FIG4: variants seen among roughly 807,000 people sequenced by gnomAD.
FIG4 encodes the protein polyphosphoinositide phosphatase.
In FIG4, 112 loss-of-function variants were observed where a neutral mutation model predicts 118.6. The ratio of observed to expected loss-of-function variants is 0.94; its 90% CI spans 0.81 to 1.11. The LOEUF (loss-of-function observed/expected upper bound fraction) is 1.11. Among genes scored for constraint, FIG4 ranks in the 50% least tolerant of loss-of-function variants. The probability of loss-of-function intolerance (pLI) is 0.00; values close to 1 mark genes in which losing one functional copy is unlikely to be tolerated. For missense variants in FIG4, 969 were observed against 1,111.7 expected, an observed-to-expected ratio of 0.87 and a Z score of 1.83; for synonymous variants, 369 against 381.2, an observed-to-expected ratio of 0.97 and a Z score of 0.37.
chr6:109,799,338 C>T (rs1778369945), intron 22 of FIG4, among the ~76,000 whole-genome samples: 1 of 152,132 alleles, frequency 6.6e-6, no homozygotes, highest in Admixed American at 6.5e-5. Flanking sequence ...TGGCAACTGC[C>T]CAAGAATGTT....
At chr6:109,694,620 CA>C (rs1319687151) in intron 1 of FIG4, among the ~76,000 whole-genome samples, 1 of 152,056 alleles carries the variant, frequency 6.6e-6, no homozygotes, top group African/African-American at 2.4e-5. Context: ...TTCTGCACAG[CA>C]AAAGAAACAA....
intron 12 of FIG4, 135 bp downstream of exon 12, chr6:109,762,342 G>C: frequency 1.5e-6 from 1 of 680,796 alleles, no homozygotes; most frequent in South Asian, 1.5e-5. Flanking sequence ...ACATGACTGA[G>C]TGCTGAATGT....
At chr6:109,697,216 T>A (rs1774754086) in intron 1 of FIG4, among the ~76,000 whole-genome samples, 1 of 149,122 alleles carries the variant, frequency 6.7e-6, no homozygotes, top group South Asian at 2.1e-4. Flanking sequence ...GAGCCGAGAT[T>A]GTGCCACTGC....
At chr6:109,722,982 A>G (rs1775656147) in intron 3 of FIG4, among the ~76,000 whole-genome samples, 2 of 85,674 alleles carry the variant, frequency 2.3e-5, no homozygotes, top group Admixed American at 2.4e-4. Context: ...ACCTGCCCAG[A>G]GTAGATATCC....
At chr6:109,821,833 A>G (rs911939216) in intron 22 of FIG4, among the ~76,000 whole-genome samples, 1 of 152,212 alleles carries the variant, frequency 6.6e-6, no homozygotes, top group Non-Finnish European at 1.5e-5. Flanking sequence ...ATCCAAACTG[A>G]GGGAAACTCT....
intron 21 of FIG4, 142 bp from the exon 22 acceptor site, chr6:109,796,623 A>G: frequency 1.4e-6 from 1 of 701,762 alleles, no homozygotes; most frequent in Non-Finnish European, 2.6e-6. Context: ...GCAAAGTCTT[A>G]TGTTACATAC....
rs781203827 is a variant in FIG4 at position 109,791,375 on chromosome 6, G to A, written c.2181-1G>A. 6.2e-7 allele frequency: 1 copy of A among 1,611,900 alleles called. No homozygotes were observed. Among genetic ancestry groups the A allele is most frequent in the Non-Finnish European group, 8.5e-7 (1 of 1,179,648 alleles). On this transcript the variant is annotated splice_acceptor_variant, in intron 19 of 22. Transcript: ENST00000230124. LOFTEE classifies it high-confidence loss of function. ...TCACTTCCATATTATTCTTTTAAAA[G>A]AAACAAAAGCAATAGAGAAGAAGCT...
chr6:109,723,818 T>C (rs1220262286), intron 3 of FIG4, among the ~76,000 whole-genome samples: 2 of 152,180 alleles, frequency 1.3e-5, no homozygotes, highest in African/African-American at 4.8e-5. Flanking sequence ...TCCTACCACA[T>C]GATCCAGAGA....
At chr6:109,747,733 T>G (rs1233083251) in intron 10 of FIG4, among the ~76,000 whole-genome samples, 1 of 152,134 alleles carries the variant, frequency 6.6e-6, no homozygotes, top group Non-Finnish European at 1.5e-5. Context: ...TGATCAGTGA[T>G]TTCATGTACT....
At chr6:109,701,325 AAC>A (rs1159374366) in intron 1 of FIG4, among the ~76,000 whole-genome samples, 5 of 152,188 alleles carry the variant, frequency 3.3e-5, no homozygotes, top group African/African-American at 1.2e-4. Context: ...ACGCAGCACT[AAC>A]AGTCATACAG....
chr6:109,824,970 G>T (rs576580839), intron 22 of FIG4, 118 bp from the exon 23 acceptor site: 2 of 946,094 alleles, frequency 2.1e-6, no homozygotes, highest in African/African-American at 1.6e-5. Flanking sequence ...CCAGCAGCTT[G>T]TCAAAAGTCA....
At chr6:109,748,129 G>A (rs570395229) in intron 10 of FIG4, among the ~76,000 whole-genome samples, 9 of 152,068 alleles carry the variant, frequency 5.9e-5, no homozygotes, top group South Asian at 2.1e-4. Context: ...ACGTGGGAGG[G>A]TAAGTTGACT....
chr6:109,741,598 G>A, intron 8 of FIG4, 54 bp downstream of exon 8: 1 of 1,125,112 alleles, frequency 8.9e-7, no homozygotes, highest in Non-Finnish European at 1.4e-6. Context: ...TATCAGCTTT[G>A]CTGATGTAGA....
chr6:109,824,763 A>G (rs957223904), intron 22 of FIG4, among the ~76,000 whole-genome samples: 6 of 152,222 alleles, frequency 3.9e-5, no homozygotes, highest in Non-Finnish European at 8.8e-5. Flanking sequence ...AAGTCTATAC[A>G]GCCTTAGCTA....
intron 15 of FIG4, among the ~76,000 whole-genome samples, chr6:109,772,410 A>G (rs1472458286): frequency 1.3e-5 from 2 of 152,106 alleles, no homozygotes; most frequent in Non-Finnish European, 2.9e-5. Flanking sequence ...AGACTCATTT[A>G]TCTAAATGTC....
At chr6:109,712,843 C>T (rs958172544) in intron 1 of FIG4, among the ~76,000 whole-genome samples, 3 of 152,170 alleles carry the variant, frequency 2.0e-5, no homozygotes, top group African/African-American at 7.2e-5. Context: ...TGCACTGGTT[C>T]TTTCTCATCT....
At chr6:109,774,555 T>C (rs1190538529) in intron 15 of FIG4, among the ~76,000 whole-genome samples, 1 of 152,068 alleles carries the variant, frequency 6.6e-6, no homozygotes, top group Admixed American at 6.6e-5. Context: ...ATTTGCCAAA[T>C]TGCCTTTCAG....
chr6:109,778,922 G>A (rs1309151790), intron 16 of FIG4, among the ~76,000 whole-genome samples: 3 of 152,106 alleles, frequency 2.0e-5, no homozygotes, highest in Non-Finnish European at 4.4e-5. Context: ...ATTAAGTTCT[G>A]TGTTGCTTCA....
chr6:109,712,447 T>A (rs987482557), intron 1 of FIG4, among the ~76,000 whole-genome samples: 1 of 152,214 alleles, frequency 6.6e-6, no homozygotes, highest in Non-Finnish European at 1.5e-5. Flanking sequence ...TTCATACCTT[T>A]TCATTCTTTT....
Sources: gnomAD v4.1 joint callset for allele counts (sites outside exome capture counted in the v4.1 genomes callset) on GRCh38, gnomAD v4.1.1 for gene constraint, MANE v1.5 for transcripts, NCBI Gene and HGNC (gene_info 2026-07-23, HGNC 2026-07-21) for gene names.